The following HECW2 variants were observed in gnomAD, a reference collection of about 807,000 sequenced individuals.
The protein encoded by HECW2 is E3 ubiquitin-protein ligase HECW2.
Under a neutral mutation model 175.2 loss-of-function variants are expected in HECW2, and 61 were observed. That is an observed-to-expected ratio of 0.35 (90% confidence interval 0.28 to 0.43). HECW2 has a LOEUF of 0.43. Ranked by LOEUF, HECW2 falls within the 20% of genes least tolerant of loss-of-function variation. HECW2 has a pLI of 1.00. For synonymous variants in HECW2, 671 were observed against 731.0 expected, an observed-to-expected ratio of 0.92 and a Z score of 1.32; for missense variants, 1,524 against 2,000.5, an observed-to-expected ratio of 0.76 and a Z score of 4.54.
intron 1 of HECW2, among the ~76,000 whole-genome samples, chr2:196,557,155 G>A (rs1326821086): frequency 6.6e-6 from 1 of 152,078 alleles, no homozygotes; most frequent in Admixed American, 6.6e-5. Context: ...CAGCACTTTG[G>A]GAGCCCGAGG....
At chr2:196,258,431 G>C (rs1244765926) in intron 17 of HECW2, among the ~76,000 whole-genome samples, 1 of 152,076 alleles carries the variant, frequency 6.6e-6, no homozygotes, top group Non-Finnish European at 1.5e-5. Flanking sequence ...CAGTGTAAAA[G>C]CATATGCCTT....
intron 1 of HECW2, among the ~76,000 whole-genome samples, chr2:196,448,436 C>A (rs190380242): frequency 6.6e-6 from 1 of 152,316 alleles, no homozygotes; most frequent in East Asian, 1.9e-4. Context: ...CAATATGCTA[C>A]GCCTCCTGTG....
chr2:196,424,474 G>A (rs1231244582), intron 2 of HECW2, among the ~76,000 whole-genome samples: 4 of 152,038 alleles, frequency 2.6e-5, no homozygotes, highest in Admixed American at 6.6e-5. Context: ...CTCTTGCTTC[G>A]AACAGTTAGC....
chr2:196,334,629 AAT>A, intron 3 of HECW2, 111 bp from the exon 4 acceptor site: 1 of 802,764 alleles, frequency 1.2e-6, no homozygotes, highest in South Asian at 1.7e-5. Flanking sequence ...CATGACTCTG[AAT>A]GACCTCTTTT....
chr2:196,367,876 T>TGTGTGTGTGTGTGTGTGTGTGTGTG (rs1553508124), intron 2 of HECW2, among the ~76,000 whole-genome samples: 11 of 144,904 alleles, frequency 7.6e-5, no homozygotes, highest in African/African-American at 2.9e-4. Context: ...GTGTGTGTGT[T>TGTGTGTGTGTGTGTGTGTGTGTGTG]TGTGTGTGTG....
intron 17 of HECW2, among the ~76,000 whole-genome samples, chr2:196,270,166 C>G (rs2105959744): frequency 6.6e-6 from 1 of 151,836 alleles, no homozygotes; most frequent in South Asian, 2.1e-4. Flanking sequence ...TCAGCAGAAA[C>G]TCTTCTTTTC....
intron 1 of HECW2, among the ~76,000 whole-genome samples, chr2:196,495,767 A>T (rs1281864000): frequency 6.6e-6 from 1 of 152,222 alleles, no homozygotes. Context: ...TTAGGATTCT[A>T]TGAGATAATA....
chr2:196,418,408 G>A (rs1257606303), intron 2 of HECW2, among the ~76,000 whole-genome samples: 9 of 152,094 alleles, frequency 5.9e-5, no homozygotes, highest in African/African-American at 1.2e-4. Context: ...GATTACAGGC[G>A]TGAGCCACCG....
Position 196,472,409 on chromosome 2 carries a change from A to G in HECW2, c.-35-38951T>C, listed in dbSNP as rs184800588. Among the ~76,000 whole-genome samples, 460 of 149,666 alleles carry G rather than the reference A, an allele frequency of 3.1e-3. 2 individuals carry two copies. Among genetic ancestry groups the G allele is most frequent in the Non-Finnish European group, 4.8e-3 (325 of 67,628 alleles). ...AGGCTGAGGTGGGAGAACCACTTGA[A>G]CCTGAGAGGTGGAGGCTGCAGTGGG... On this transcript the variant is annotated intron_variant, in intron 1 of 28. Coordinates refer to ENST00000644978, the MANE Select transcript of HECW2 (RefSeq NM_001348768.2).
At chr2:196,489,793 AG>A (rs1687124557) in intron 1 of HECW2, among the ~76,000 whole-genome samples, 1 of 152,214 alleles carries the variant, frequency 6.6e-6, no homozygotes, top group South Asian at 2.1e-4. Context: ...TCTTCTGTTC[AG>A]TGGATGACAC....
intron 28 of HECW2, among the ~76,000 whole-genome samples, chr2:196,202,384 A>G (rs1281115546): frequency 6.6e-6 from 1 of 152,168 alleles, no homozygotes; most frequent in Admixed American, 6.5e-5. Flanking sequence ...GGAAGACCAG[A>G]GATTTGCAGT....
At chr2:196,515,156 G>A (rs1028958491) in intron 1 of HECW2, among the ~76,000 whole-genome samples, 1 of 152,198 alleles carries the variant, frequency 6.6e-6, no homozygotes, top group African/African-American at 2.4e-5. Flanking sequence ...CCACAGCCTC[G>A]CACAGAGCCG....
intron 2 of HECW2, among the ~76,000 whole-genome samples, chr2:196,374,010 C>A (rs1329422133): frequency 6.7e-6 from 1 of 148,480 alleles, no homozygotes; most frequent in Non-Finnish European, 1.5e-5. Flanking sequence ...CCAGCCTGGG[C>A]GACAGAGAGA....
chr2:196,429,343 G>T (rs1198929258), intron 2 of HECW2, among the ~76,000 whole-genome samples: 1 of 152,120 alleles, frequency 6.6e-6, no homozygotes, highest in African/African-American at 2.4e-5. Flanking sequence ...ACCCTTGTGG[G>T]GTCTGGGATG....
intron 26 of HECW2, 62 bp downstream of exon 26, chr2:196,219,977 C>A: frequency 9.1e-7 from 1 of 1,103,088 alleles, no homozygotes; most frequent in South Asian, 1.3e-5. Flanking sequence ...AGTTGGCAAG[C>A]TGAACCATGC....
intron 1 of HECW2, among the ~76,000 whole-genome samples, chr2:196,476,142 CAAAA>C (rs60181654): frequency 9.0e-5 from 13 of 144,442 alleles, no homozygotes; most frequent in African/African-American, 2.8e-4. Flanking sequence ...GTTTCCTCAT[CAAAA>C]AAAAAAAGGC....
intron 1 of HECW2, among the ~76,000 whole-genome samples, chr2:196,484,464 C>T (rs1384031709): frequency 6.6e-6 from 1 of 152,188 alleles, no homozygotes; most frequent in Non-Finnish European, 1.5e-5. Flanking sequence ...GCCCAGCACA[C>T]CCTGAACCTG....
intron 13 of HECW2, among the ~76,000 whole-genome samples, chr2:196,298,261 G>C (rs931079203): frequency 6.6e-6 from 1 of 152,066 alleles, no homozygotes; most frequent in Admixed American, 6.5e-5. Flanking sequence ...GAATTAACAA[G>C]AGAAATCGTT....
intron 1 of HECW2, among the ~76,000 whole-genome samples, chr2:196,468,410 C>T (rs978479703): frequency 5.3e-5 from 8 of 152,222 alleles, no homozygotes; most frequent in African/African-American, 1.4e-4. Context: ...CCACCCACCC[C>T]TACGCTTCAG....
Sources: gnomAD v4.1 joint callset for allele counts (sites outside exome capture counted in the v4.1 genomes callset) on GRCh38, gnomAD v4.1.1 for gene constraint, MANE v1.5 for transcripts, NCBI Gene and HGNC (gene_info 2026-07-23, HGNC 2026-07-21) for gene names.